Variants in PRKCE observed in about 807,000 individuals in gnomAD.
PRKCE encodes the protein protein kinase C epsilon type.
A neutral mutation model predicts 85.4 loss-of-function variants in PRKCE; 16 were observed. That is an observed-to-expected ratio of 0.19 (90% CI 0.13 to 0.28). PRKCE has a LOEUF of 0.28. Ranked by LOEUF, PRKCE falls within the 10% of genes least tolerant of loss-of-function variation. The pLI, the probability that PRKCE is intolerant of heterozygous loss-of-function variation, is 1.00. For missense variants in PRKCE, 573 were observed against 975.2 expected (o/e 0.59, Z 5.49); for synonymous variants, 388 against 371.5 (o/e 1.04, Z -0.51).
At chr2:45,772,589 T>G (rs1488579395) in intron 1 of PRKCE, among the ~76,000 whole-genome samples, 1 of 152,186 alleles carries the variant, frequency 6.6e-6, no homozygotes, top group Non-Finnish European at 1.5e-5. Flanking sequence ...CCCTTGAGAC[T>G]GAGGAGAGAT....
intron 11 of PRKCE, among the ~76,000 whole-genome samples, chr2:46,126,088 C>T (rs1030704689): frequency 5.9e-5 from 9 of 152,190 alleles, no homozygotes; most frequent in Non-Finnish European, 1.2e-4. Context: ...AGCTCTGGCA[C>T]AGGTAATGCT....
At chr2:46,084,494 C>T (rs770933991) in intron 10 of PRKCE, among the ~76,000 whole-genome samples, 6 of 151,942 alleles carry the variant, frequency 3.9e-5, no homozygotes, top group Admixed American at 2.6e-4. Context: ...GAGGCCAAGG[C>T]GGGTGGATCA....
intron 1 of PRKCE, among the ~76,000 whole-genome samples, chr2:45,815,880 C>T (rs531849015): frequency 2.0e-5 from 3 of 152,292 alleles, no homozygotes; most frequent in South Asian, 4.2e-4. Context: ...CCCAGTTTCT[C>T]ACCTGTTAAG....
chr2:46,179,236 C>T (rs1679730019), intron 14 of PRKCE, among the ~76,000 whole-genome samples: 1 of 152,184 alleles, frequency 6.6e-6, no homozygotes, highest in Admixed American at 6.5e-5. Flanking sequence ...AAGACAGAAG[C>T]AGACACTGCT....
chr2:45,979,514 T>C (rs1342615295), intron 4 of PRKCE, among the ~76,000 whole-genome samples: 15 of 152,188 alleles, frequency 9.9e-5, no homozygotes, highest in Admixed American at 7.2e-4. Context: ...CTTGAAGGTA[T>C]TGAAGATTAT....
chr2:45,678,959 T>A (rs1273344204), intron 1 of PRKCE, among the ~76,000 whole-genome samples: 2 of 152,226 alleles, frequency 1.3e-5, no homozygotes, highest in African/African-American at 2.4e-5. Context: ...AGTTGTTTTT[T>A]AATTGGTCAC....
At chr2:45,983,170 T>G (rs748922150) in intron 5 of PRKCE, among the ~76,000 whole-genome samples, 1 of 152,170 alleles carries the variant, frequency 6.6e-6, no homozygotes, top group South Asian at 2.1e-4. Flanking sequence ...ATCAGTGAAA[T>G]CTTGGTCCAA....
At chr2:46,115,824 C>A (rs188469794) in intron 11 of PRKCE, among the ~76,000 whole-genome samples, 2 of 152,230 alleles carry the variant, frequency 1.3e-5, no homozygotes, top group Non-Finnish European at 2.9e-5. Flanking sequence ...CCGGGGAACT[C>A]GGCTGAGAGA....
At chr2:45,886,522 C>CAACA (rs753819741) in intron 2 of PRKCE, among the ~76,000 whole-genome samples, 1 of 152,176 alleles carries the variant, frequency 6.6e-6, no homozygotes, top group African/African-American at 2.4e-5. Context: ...ACATAAACAG[C>CAACA]AACAGTAAAA....
chr2:45,953,687 G>A (rs1035436445), intron 2 of PRKCE, among the ~76,000 whole-genome samples: 7 of 152,154 alleles, frequency 4.6e-5, no homozygotes, highest in African/African-American at 1.7e-4. Flanking sequence ...AACACTGGCT[G>A]CACATTAGAA....
intron 2 of PRKCE, among the ~76,000 whole-genome samples, chr2:45,922,531 C>G (rs548413566): frequency 6.6e-6 from 1 of 152,210 alleles, no homozygotes; most frequent in East Asian, 1.9e-4. Context: ...CTTCCTTTAA[C>G]TTTTGGATGA....
chr2:45,944,622 G>A (rs897686359), intron 2 of PRKCE, among the ~76,000 whole-genome samples: 12 of 148,924 alleles, frequency 8.1e-5, no homozygotes, highest in African/African-American at 1.7e-4. Context: ...CCAAGTAGCC[G>A]GGACTACAGG....
chr2:45,677,352 GTTT>G (rs1209642358), intron 1 of PRKCE, among the ~76,000 whole-genome samples: 51 of 140,812 alleles, frequency 3.6e-4, no homozygotes, highest in East Asian at 6.2e-4. Context: ...TGTTGTTGTT[GTTT>G]TTTTTTTTTT....
rs397781944 is a variant in PRKCE at position 45,941,065 on chromosome 2, T to TAAAAAAAAAAAAAAAAAAAAAAAAA, written c.413-35342_413-35341insAAAAAAAAAAAAAAAAAAAAAAAAA. On this transcript the variant is annotated intron_variant, in intron 2 of 14. Transcript: ENST00000306156. Reference sequence around the variant, plus strand: ...TGGGTGACAGAGTGAGACTTCATCCTAAAAAAAAAAAAAAAAAAAAAAGAT... The same window carrying TAAAAAAAAAAAAAAAAAAAAAAAAA: ...TGGGTGACAGAGTGAGACTTCATCCTAAAAAAAAAAAAAAAAAAAAAAAAAAAAAAAAAAAAAAAAAAAAAAAGAT... Among the ~76,000 whole-genome samples the TAAAAAAAAAAAAAAAAAAAAAAAAA allele has an allele frequency of 3.0e-4, 20 of 67,156 alleles. 1 individual carries two copies. In the East Asian group the frequency reaches 3.4e-3, roughly 11 times the overall value. 44.1% of individuals were successfully genotyped at this position (67,156 alleles called of 152,430 possible). A position where few individuals can be genotyped will look rare whatever the true frequency, so the allele number is the denominator to read the frequency against.
At chr2:45,898,740 G>C (rs1696341943) in intron 2 of PRKCE, among the ~76,000 whole-genome samples, 1 of 152,188 alleles carries the variant, frequency 6.6e-6, no homozygotes, top group Non-Finnish European at 1.5e-5. Context: ...AGAGGGATTT[G>C]AATACTATTG....
At position 45,981,809 on chromosome 2, in the gene PRKCE, C is replaced by T. The variant is rs191959164; in HGVS notation, c.693+1428C>T. ...TGTCCCATGGAAACAAAGAGGAGTA[C>T]ACTAGTCCCTCCCTCAAGGATCTCA... On this transcript the variant is annotated intron_variant, in intron 5 of 14. Transcript: ENST00000306156. 4.1e-4 allele frequency among the ~76,000 whole-genome samples: 63 copies of T among 152,310 alleles called. 1 individual carries two copies. In the East Asian group the frequency reaches 6.2e-3, roughly 15 times the overall value.
chr2:46,173,314 GT>G (rs1679105626), intron 14 of PRKCE, among the ~76,000 whole-genome samples: 1 of 152,212 alleles, frequency 6.6e-6, no homozygotes, highest in Non-Finnish European at 1.5e-5. Context: ...GAGCGGAGTG[GT>G]TATGACAGAG....
At chr2:46,059,573 T>G (rs1011663119) in intron 10 of PRKCE, among the ~76,000 whole-genome samples, 2 of 152,194 alleles carry the variant, frequency 1.3e-5, no homozygotes, top group Admixed American at 1.3e-4. Flanking sequence ...TTGCAGAGAT[T>G]AGTTATTTTT....
rs75888749 is a variant in PRKCE, at chr2:46,142,509, C to T, written c.1593-2584C>T. Among the ~76,000 whole-genome samples the T allele has an allele frequency of 6.2e-3, 939 of 152,274 alleles. 9 individuals are homozygous for T. Among genetic ancestry groups the T allele is most frequent in the African/African-American group, 0.022 (897 of 41,552 alleles). On this transcript the variant is annotated intron_variant, in intron 11 of 14. Coordinates refer to ENST00000306156, the MANE Select transcript of PRKCE (RefSeq NM_005400.3). Reference sequence around the variant, plus strand: ...CAGAGGGGGAATTGGAGGAAGTGACCAGGGGCGGGCTTCAGGCCTCAGTGG... The same window carrying T: ...CAGAGGGGGAATTGGAGGAAGTGACTAGGGGCGGGCTTCAGGCCTCAGTGG...
Sources: gnomAD v4.1 joint callset for allele counts (sites outside exome capture counted in the v4.1 genomes callset) on GRCh38, gnomAD v4.1.1 for gene constraint, MANE v1.5 for transcripts, NCBI Gene and HGNC (gene_info 2026-07-23, HGNC 2026-07-21) for gene names.